Variants in GALNT14 observed in about 807,000 individuals in gnomAD.
GALNT14 encodes the protein UDP-GalNAc:polypeptide N-acetylgalactosaminyltransferase 14.
In GALNT14, 60 loss-of-function variants were observed where a neutral mutation model predicts 77.5. That is an observed-to-expected ratio of 0.77 (90% CI 0.63 to 0.96). GALNT14 has a LOEUF of 0.96. GALNT14 is among the 40% of genes least tolerant of loss of function. The pLI, the probability that GALNT14 is intolerant of heterozygous loss-of-function variation, is 0.00. For missense variants in GALNT14, 710 were observed against 731.0 expected, an observed-to-expected ratio of 0.97 and a Z score of 0.33; for synonymous variants, 280 against 281.7, an observed-to-expected ratio of 0.99 and a Z score of 0.06.
At chr2:30,971,463 G>A (rs532328338) in intron 2 of GALNT14, among the ~76,000 whole-genome samples, 15 of 152,218 alleles carry the variant, frequency 9.9e-5, no homozygotes, top group South Asian at 2.1e-4. Flanking sequence ...ATCTCTATAC[G>A]TGATGGCCAC....
chr2:31,063,173 T>C (rs1674712448), intron 1 of GALNT14, among the ~76,000 whole-genome samples: 1 of 152,236 alleles, frequency 6.6e-6, no homozygotes, highest in South Asian at 2.1e-4. Flanking sequence ...GATTTTCTTC[T>C]AGGGTTTTTA....
intron 9 of GALNT14, among the ~76,000 whole-genome samples, chr2:30,935,168 G>A (rs774572591): frequency 6.6e-5 from 10 of 152,212 alleles, no homozygotes; most frequent in East Asian, 5.8e-4. Flanking sequence ...CTTATTTTGC[G>A]ATGCAGAAGC....
chr2:30,904,811 G>A, the GALNT14 span, among the ~76,000 whole-genome samples: 1 of 152,190 alleles, frequency 6.6e-6, no homozygotes, highest in Non-Finnish European at 1.5e-5. Context: ...AAATGTCCCT[G>A]TCTGACAGCT....
chr2:30,992,927 A>G lies in GALNT14; in HGVS notation c.210T>C (p.Gly70=). 6.2e-7 allele frequency: 1 copy of G among 1,614,148 alleles called. No homozygotes were observed. Among genetic ancestry groups the G allele is most frequent in the Non-Finnish European group, 8.5e-7 (1 of 1,180,036 alleles). The change falls in exon 2 of 15, where the codon GGT becomes GGC. Residue 70 remains glycine (G), a synonymous_variant. Coordinates refer to ENST00000349752, the MANE Select transcript of GALNT14 (RefSeq NM_024572.4). ...RYLNAKKWRV[G]DDPYKLYAFN... Reference sequence around the variant, plus strand: ...AAGCATACAGCTTATAGGGGTCGTCACCAACGCGCCACTTTTTGGCATTCA... The same window carrying G: ...AAGCATACAGCTTATAGGGGTCGTCGCCAACGCGCCACTTTTTGGCATTCA...
chr2:31,066,784 C>T (rs961649072), intron 1 of GALNT14, among the ~76,000 whole-genome samples: 4 of 151,926 alleles, frequency 2.6e-5, no homozygotes, highest in Non-Finnish European at 2.9e-5. Context: ...CCAGCCTGCT[C>T]CCACGGTGCC....
intron 2 of GALNT14, among the ~76,000 whole-genome samples, chr2:30,985,431 GC>G (rs570371958): frequency 8.6e-5 from 13 of 151,968 alleles, no homozygotes; most frequent in Admixed American, 1.3e-4. Context: ...TGACCCAGAG[GC>G]CCTTGCTAAC....
chr2:30,925,041 C>T (rs554679593), intron 11 of GALNT14, among the ~76,000 whole-genome samples: 18 of 152,322 alleles, frequency 1.2e-4, no homozygotes, highest in African/African-American at 3.6e-4. Context: ...CACAATGGTG[C>T]GGTAATGACA....
chr2:31,003,938 G>A (rs1670512928), intron 1 of GALNT14, among the ~76,000 whole-genome samples: 2 of 152,188 alleles, frequency 1.3e-5, no homozygotes, highest in Non-Finnish European at 1.5e-5. Flanking sequence ...GCCAGGAAGC[G>A]TGAGCTCTAA....
At position 30,910,785 on chromosome 2, in the gene GALNT14, C is replaced by T. The variant is rs1191626558; in HGVS notation, c.*116G>A. On this transcript the variant is annotated 3_prime_UTR_variant, in exon 15 of 15. Coordinates refer to ENST00000349752, the MANE Select transcript of GALNT14 (RefSeq NM_024572.4). Reference sequence around the variant, plus strand: ...CTCCTGTCCTGGGGGGCTCTGCCTCCACCTCCCAGTCCAGGATGTCTGAGG... The same window carrying T: ...CTCCTGTCCTGGGGGGCTCTGCCTCTACCTCCCAGTCCAGGATGTCTGAGG... The T allele has an allele frequency of 8.7e-7, 1 of 1,154,800 alleles. No individual in the cohort carries two copies. Among genetic ancestry groups the T allele is most frequent in the African/African-American group, 1.5e-5 (1 of 64,608 alleles). 71.5% of individuals were successfully genotyped at this position (1,154,800 alleles called of 1,614,324 possible).
At chr2:31,097,715 T>C (rs964698860) in intron 1 of GALNT14, among the ~76,000 whole-genome samples, 7 of 152,116 alleles carry the variant, frequency 4.6e-5, no homozygotes, top group Non-Finnish European at 8.8e-5. Context: ...AGGCTTCCTG[T>C]ATTGGATTCC....
chr2:31,042,265 C>CT (rs1007542240), intron 1 of GALNT14, among the ~76,000 whole-genome samples: 2 of 152,108 alleles, frequency 1.3e-5, no homozygotes, highest in African/African-American at 4.8e-5. Context: ...TTAAAGGTGA[C>CT]TTACACCTCT....
At chr2:31,117,675 A>G (rs1179979076) in intron 1 of GALNT14, among the ~76,000 whole-genome samples, 1 of 152,188 alleles carries the variant, frequency 6.6e-6, no homozygotes, top group African/African-American at 2.4e-5. Flanking sequence ...ACATGGGTTA[A>G]TTTACTAACA....
chr2:31,119,772 G>T lies in GALNT14; in HGVS notation c.129+18186C>A, dbSNP rs372390323. 1.2e-3 allele frequency among the ~76,000 whole-genome samples: 182 copies of T among 152,266 alleles called. 7 individuals carry two copies. The South Asian group carries it at 0.033, about 28-fold the overall frequency. On this transcript the variant is annotated intron_variant, in intron 1 of 14. Transcript: ENST00000349752. ...ATTTCAGCTCTGTCTGTAGCAACAA[G>T]AGATGAGAGATAAAGTGTATACCCA...
At chr2:30,922,846 G>C (rs1358183579) in intron 13 of GALNT14, among the ~76,000 whole-genome samples, 1 of 152,206 alleles carries the variant, frequency 6.6e-6, no homozygotes, top group African/African-American at 2.4e-5. Flanking sequence ...AGAAGTATCT[G>C]TTGAATGAAT....
chr2:31,093,468 C>T (rs1237350096), intron 1 of GALNT14, among the ~76,000 whole-genome samples: 2 of 152,220 alleles, frequency 1.3e-5, no homozygotes, highest in Non-Finnish European at 2.9e-5. Context: ...CTCTTCCAGC[C>T]TTGGGAATCT....
At chr2:31,076,496 G>A (rs1215820581) in intron 1 of GALNT14, among the ~76,000 whole-genome samples, 1 of 152,010 alleles carries the variant, frequency 6.6e-6, no homozygotes, top group Non-Finnish European at 1.5e-5. Flanking sequence ...CAGTGGCAAG[G>A]AACAGGTCCT....
chr2:31,101,628 T>C (rs570228472), intron 1 of GALNT14, among the ~76,000 whole-genome samples: 2 of 152,252 alleles, frequency 1.3e-5, no homozygotes, highest in African/African-American at 4.8e-5. Context: ...TTTAGTTTCC[T>C]GTTTATGCCA....
chr2:30,950,036 G>C (rs1666934093), intron 6 of GALNT14, among the ~76,000 whole-genome samples: 1 of 152,166 alleles, frequency 6.6e-6, no homozygotes. Flanking sequence ...CAGCTCTGGG[G>C]ACTCGGTTTT....
At chr2:31,076,629 A>ATATATATATATATATATT (rs1553373502) in intron 1 of GALNT14, among the ~76,000 whole-genome samples, 2 of 101,892 alleles carry the variant, frequency 2.0e-5, no homozygotes, top group African/African-American at 6.2e-5. Flanking sequence ...ATATATATAT[A>ATATATATATATATATATT]TTTTTTTTTT....
Sources: gnomAD v4.1 joint callset for allele counts (sites outside exome capture counted in the v4.1 genomes callset) on GRCh38, gnomAD v4.1.1 for gene constraint, MANE v1.5 for transcripts, NCBI Gene and HGNC (gene_info 2026-07-23, HGNC 2026-07-21) for gene names.